RNF38: variants seen among roughly 807,000 people sequenced by gnomAD.
RNF38 encodes ring finger protein 38.
RNF38 carries 15 observed loss-of-function variants against 67.2 expected under a neutral mutation model. The observed-to-expected ratio is 0.22, with a 90% CI of 0.15 to 0.34. RNF38 has a LOEUF of 0.34. RNF38 is among the 10% of genes least tolerant of loss of function. The pLI is 1.00. For missense variants in RNF38, 524 were observed against 639.9 expected (o/e 0.82, Z 1.95); for synonymous variants, 220 against 218.8 (o/e 1.01, Z -0.05).
At chr9:36,379,165 G>A (rs1836015530) in intron 2 of RNF38, among the ~76,000 whole-genome samples, 1 of 152,182 alleles carries the variant, frequency 6.6e-6, no homozygotes, top group African/African-American at 2.4e-5. Flanking sequence ...CTCCCAAAGT[G>A]TTGGGATTAC....
At chr9:36,479,829 G>T (rs1485317202) in intron 1 of RNF38, among the ~76,000 whole-genome samples, 2 of 152,118 alleles carry the variant, frequency 1.3e-5, no homozygotes, top group African/African-American at 4.8e-5. Flanking sequence ...GGGCATAGTG[G>T]CTCATTCCTG....
At chr9:36,353,435 G>A in intron 6 of RNF38, 104 bp from the exon 7 acceptor site, 1 of 751,756 alleles carries the variant, frequency 1.3e-6, no homozygotes, top group Non-Finnish European at 2.0e-6. Flanking sequence ...ATCCCAAAAT[G>A]TCTTTAAGGC....
intron 6 of RNF38, among the ~76,000 whole-genome samples, chr9:36,353,613 G>C (rs1286631432): frequency 4.0e-5 from 6 of 151,874 alleles, no homozygotes; most frequent in Non-Finnish European, 7.4e-5. Context: ...AAATGAGAAG[G>C]CAAAAAGTCA....
intron 4 of RNF38, among the ~76,000 whole-genome samples, chr9:36,365,561 G>A (rs1047697461): frequency 5.4e-4 from 82 of 151,156 alleles, no homozygotes; most frequent in Non-Finnish European, 8.7e-4. Flanking sequence ...CAAGAAGAGC[G>A]AAACTCTGTC....
chr9:36,438,070 T>C (rs1185009371), intron 1 of RNF38, among the ~76,000 whole-genome samples: 1 of 152,092 alleles, frequency 6.6e-6, no homozygotes, highest in East Asian at 1.9e-4. Context: ...GCCTCTCGAG[T>C]AGCTGGGACT....
At chr9:36,474,291 C>T (rs1840073892) in intron 1 of RNF38, among the ~76,000 whole-genome samples, 3 of 148,486 alleles carry the variant, frequency 2.0e-5, no homozygotes, top group East Asian at 2.2e-4. Flanking sequence ...CCAGCCTGGG[C>T]GACAGAGCAA....
At chr9:36,441,473 C>T (rs1457033570) in intron 1 of RNF38, among the ~76,000 whole-genome samples, 4 of 151,976 alleles carry the variant, frequency 2.6e-5, no homozygotes, top group Non-Finnish European at 5.9e-5. Flanking sequence ...ATTACAGGCA[C>T]GCGCCACCAT....
At chr9:36,396,674 T>G (rs1230668916) in intron 1 of RNF38, among the ~76,000 whole-genome samples, 1 of 152,022 alleles carries the variant, frequency 6.6e-6, no homozygotes, top group East Asian at 1.9e-4. Flanking sequence ...CAGGCCTGGA[T>G]GGGCACAGGG....
chr9:36,340,043 G>A (rs530761832), intron 11 of RNF38, among the ~76,000 whole-genome samples: 2 of 152,064 alleles, frequency 1.3e-5, no homozygotes, highest in South Asian at 2.1e-4. Flanking sequence ...GCAATGGCAC[G>A]ATCTCAACTC....
chr9:36,473,562 C>T (rs4879993), intron 1 of RNF38, among the ~76,000 whole-genome samples: 101,270 of 151,602 alleles, frequency 0.67, 33,886 homozygotes, highest in Non-Finnish European at 0.69. Context: ...CACACCAGCT[C>T]GGGCAACAAG....
At chr9:36,342,452 C>T in intron 10 of RNF38, 28 bp from the exon 11 acceptor site, 1 of 1,405,886 alleles carries the variant, frequency 7.1e-7, no homozygotes, top group South Asian at 1.2e-5. Flanking sequence ...ATCATTTAAC[C>T]ACAAAACCAG....
Position 36,439,083 on chromosome 9 carries a change from G to A in RNF38, n.242-14400C>T, listed in dbSNP as rs144916004. ...GCTATGCATGAAAAGCAATGAGGGCGGGGTGGGAGGGGACTATTGAATTCA... is the reference window on the plus strand; with the variant it reads ...GCTATGCATGAAAAGCAATGAGGGCAGGGTGGGAGGGGACTATTGAATTCA... On this transcript the variant is annotated intron_variant and non_coding_transcript_variant, in intron 1 of 3. Coordinates refer to the RNF38 transcript ENST00000488058. Among the ~76,000 whole-genome samples, 12 of 152,138 alleles carry A rather than the reference G, an allele frequency of 7.9e-5. No individual in the cohort carries two copies. The East Asian group carries it at 2.1e-3, about 27-fold the overall frequency.
chr9:36,362,092 C>T (rs1375953627), intron 4 of RNF38, among the ~76,000 whole-genome samples: 1 of 152,162 alleles, frequency 6.6e-6, no homozygotes, highest in African/African-American at 2.4e-5. Context: ...CACAGTGGCT[C>T]ACGCTTGTAA....
rs529049322 is a variant in RNF38, at chr9:36,365,493, G to C, written c.570+4226C>G. Among the ~76,000 whole-genome samples, 211 of 152,124 alleles carry C rather than the reference G, an allele frequency of 1.4e-3. 3 individuals are homozygous for C. In the East Asian group the frequency reaches 0.038, roughly 27 times the overall value. On this transcript the variant is annotated intron_variant, in intron 4 of 11. Transcript: ENST00000259605. ...TGAGGCAGGAGAATCGCTTGAAATG[G>C]AAAGGTGGAAGCTGCAGTGAGCCAA... is the stretch of plus-strand genomic sequence containing the variant.
At chr9:36,417,366 A>AGAAGCTGCAAGTT (rs1233824481) in intron 2 of RNF38, among the ~76,000 whole-genome samples, 3 of 152,240 alleles carry the variant, frequency 2.0e-5, no homozygotes, top group Non-Finnish European at 4.4e-5. Context: ...CCATCCGAGT[A>AGAAGCTGCAAGTT]GAAGCTGCAA....
At chr9:36,480,404 T>C (rs1354394663) in intron 1 of RNF38, among the ~76,000 whole-genome samples, 1 of 152,210 alleles carries the variant, frequency 6.6e-6, no homozygotes. Flanking sequence ...AAGGTCAGCA[T>C]GCAGCATCTG....
chr9:36,469,911 C>G (rs967947711), intron 1 of RNF38, among the ~76,000 whole-genome samples: 2 of 151,992 alleles, frequency 1.3e-5, no homozygotes, highest in Admixed American at 1.3e-4. Context: ...CTGGGGAGAT[C>G]GAGACTGCAG....
Position 36,388,937 on chromosome 9 carries a change from T to C in RNF38, c.162+1530A>G, listed in dbSNP as rs549427760. On this transcript the variant is annotated intron_variant, in intron 2 of 11. Transcript: ENST00000259605. ...AGTTTTTAAGGATAAGAAGCATAAC[T>C]GGAACTAACAAATTACACCCTTTTT... Among the ~76,000 whole-genome samples the C allele has an allele frequency of 4.6e-5, 7 of 152,230 alleles. No individual in the cohort carries two copies. The South Asian group carries it at 1.5e-3, about 32-fold the overall frequency.
intron 11 of RNF38, among the ~76,000 whole-genome samples, chr9:36,342,067 G>A (rs1269376177): frequency 9.2e-5 from 14 of 151,986 alleles, no homozygotes; most frequent in Admixed American, 7.2e-4. Flanking sequence ...TAGCAAGTTC[G>A]GGCCTTGTCC....
Sources: allele counts gnomAD v4.1 joint callset (sites outside exome capture counted in the v4.1 genomes callset), GRCh38; gene constraint gnomAD v4.1.1; transcripts MANE v1.5; gene names NCBI Gene and HGNC (gene_info 2026-07-23, HGNC 2026-07-21).